Variants in MYOF observed in about 807,000 individuals in gnomAD.
MYOF encodes the protein myoferlin.
In MYOF, 244 loss-of-function variants were observed where a neutral mutation model predicts 284.2. The ratio of observed to expected loss-of-function variants is 0.86; its 90% confidence interval spans 0.77 to 0.95. The LOEUF is 0.95. MYOF is among the 40% of genes least tolerant of loss of function. MYOF has a pLI of 0.00. For missense variants in MYOF, 2,496 were observed against 2,560.6 expected (o/e 0.97, Z 0.54); for synonymous variants, 904 against 919.7 (o/e 0.98, Z 0.31).
Position 93,325,966 on chromosome 10 carries a change from C to T in MYOF, c.5132-1G>A. On this transcript the variant is annotated splice_acceptor_variant, in intron 45 of 53. Coordinates refer to ENST00000359263, the MANE Select transcript of MYOF (RefSeq NM_013451.4). LOFTEE classifies it high-confidence loss of function. ...TGCTGGTGCAGGATTTTGTTGGCTT[C>T]TGCAATGGAAAGCAGCATTGAAGCA... is the stretch of plus-strand genomic sequence containing the variant. 4 of 1,613,996 alleles carry T rather than the reference C, an allele frequency of 2.5e-6. No individual in the cohort carries two copies. Among genetic ancestry groups the T allele is most frequent in the Non-Finnish European group, 3.4e-6 (4 of 1,179,916 alleles).
chr10:93,310,244 C>T, intron 52 of MYOF, 77 bp from the exon 53 acceptor site: 1 of 1,525,474 alleles, frequency 6.6e-7, no homozygotes, highest in Non-Finnish European at 9.0e-7. Context: ...AACACAGTTT[C>T]AGGAATAAAG....
At chr10:93,427,218 A>T (rs201365954) in intron 4 of MYOF, among the ~76,000 whole-genome samples, 2 of 92,550 alleles carry the variant, frequency 2.2e-5, no homozygotes, top group Non-Finnish European at 4.6e-5. Context: ...AAAACAAAAC[A>T]AAAAAAAACA....
chr10:93,393,926 A>C (rs1846825446), intron 16 of MYOF, among the ~76,000 whole-genome samples: 1 of 152,248 alleles, frequency 6.6e-6, no homozygotes, highest in African/African-American at 2.4e-5. Context: ...ACATTCTAGC[A>C]ACCATATAAA....
In MYOF at chr10:93,474,723, G is replaced by T. The variant is rs143818038; in HGVS notation, c.88+7384C>A. Among the ~76,000 whole-genome samples the T allele has an allele frequency of 2.6e-5, 4 of 151,422 alleles. No individual in the cohort carries two copies. The East Asian group carries it at 7.7e-4, about 29-fold the overall frequency. On this transcript the variant is annotated intron_variant, in intron 1 of 53. Coordinates refer to ENST00000359263, the MANE Select transcript of MYOF (RefSeq NM_013451.4). ...CCTCAAACAGCCCTGCAAGGCAGGA[G>T]ATATTATTAAGAACACTGAAGCTGA...
chr10:93,474,874 G>A (rs558366430), intron 1 of MYOF, among the ~76,000 whole-genome samples: 393 of 152,050 alleles, frequency 2.6e-3, no homozygotes, highest in Admixed American at 4.1e-3. Flanking sequence ...AGCCTCCTGA[G>A]TAGCTGGGAC....
intron 24 of MYOF, among the ~76,000 whole-genome samples, chr10:93,372,602 A>G (rs1845643031): frequency 6.6e-6 from 1 of 152,168 alleles, no homozygotes; most frequent in African/African-American, 2.4e-5. Context: ...TCTTTCCCCA[A>G]CATTCACTAG....
Position 93,333,739 on chromosome 10 carries a change from C to T in MYOF, c.4719+19G>A. On this transcript the variant is annotated intron_variant, in intron 42 of 53. Transcript: ENST00000359263. ...TAATTATCTTGCTACAGGAGAAGGC[C>T]CCACACCCAAACTCTTACCAGGCCA... The T allele has an allele frequency of 1.9e-6, 3 of 1,611,858 alleles. No homozygotes were observed. The highest frequency in any genetic ancestry group is 1.7e-6 in the Non-Finnish European group (2 of 1,178,300).
intron 18 of MYOF, among the ~76,000 whole-genome samples, chr10:93,388,194 C>A (rs1246862035): frequency 6.8e-6 from 1 of 147,512 alleles, no homozygotes; most frequent in East Asian, 2.0e-4. Context: ...TGCTCTAGCT[C>A]CAGAAGGAGT....
At chr10:93,332,568 T>G (rs34801701) in intron 43 of MYOF, among the ~76,000 whole-genome samples, 105,522 of 150,458 alleles carry the variant, frequency 0.7, 37,119 homozygotes, top group East Asian at 0.92. Flanking sequence ...AGTCTCAGCC[T>G]GTCGCGGTGG....
intron 22 of MYOF, among the ~76,000 whole-genome samples, chr10:93,376,789 G>A (rs1010828850): frequency 3.3e-5 from 5 of 152,154 alleles, no homozygotes; most frequent in Admixed American, 6.5e-5. Flanking sequence ...TGAAAGGTCC[G>A]CTGGTTCAAG....
chr10:93,442,575 C>T (rs7923523), intron 3 of MYOF, among the ~76,000 whole-genome samples: 4 of 152,022 alleles, frequency 2.6e-5, no homozygotes, highest in South Asian at 2.1e-4. Flanking sequence ...TCCTACAATA[C>T]GGCAAAACAG....
At chr10:93,313,408 C>T (rs920397818) in intron 50 of MYOF, among the ~76,000 whole-genome samples, 198 bp from the exon 51 acceptor site, 2 of 152,148 alleles carry the variant, frequency 1.3e-5, no homozygotes, top group Non-Finnish European at 2.9e-5. Context: ...AATAGCCGTC[C>T]ACTGCACAGC....
intron 38 of MYOF, chr10:93,341,934 C>T (rs1843938597): frequency 7.8e-7 from 1 of 1,289,674 alleles, no homozygotes; most frequent in Non-Finnish European, 1.0e-6. Flanking sequence ...CTGGAGAAGC[C>T]ATTTTGCTGA....
At position 93,401,532 on chromosome 10, in the gene MYOF, C is replaced by T; in HGVS notation, c.1003G>A (p.Asp335Asn). ...ACATCATCACTGTCATTATCACGATCTCGTCTCTCAGGCTATTAGGGGCAC... is the reference window on the plus strand; with the variant it reads ...ACATCATCACTGTCATTATCACGATTTCGTCTCTCAGGCTATTAGGGGCAC... Reference protein sequence around the residue: ...TGDEPPPERRDRDNDSDDVES... With the variant: ...TGDEPPPERRNRDNDSDDVES... Residue 335 changes from aspartate to asparagine, a missense_variant, in exon 12 of 54, where the codon GAT (aspartate) becomes AAT (asparagine). Coordinates refer to ENST00000359263, the MANE Select transcript of MYOF (RefSeq NM_013451.4). 6.2e-7 allele frequency: 1 copy of T among 1,614,050 alleles called. No individual in the cohort carries two copies. The highest frequency in any genetic ancestry group is 8.5e-7 in the Non-Finnish European group (1 of 1,179,976).
chr10:93,386,287 C>T (rs1846361091), intron 19 of MYOF, among the ~76,000 whole-genome samples: 1 of 152,154 alleles, frequency 6.6e-6, no homozygotes, highest in Non-Finnish European at 1.5e-5. Flanking sequence ...CTCCCGCCCT[C>T]TTTTTTCCTT....
At chr10:93,480,387 C>A (rs1273559451) in intron 1 of MYOF, among the ~76,000 whole-genome samples, 1 of 145,890 alleles carries the variant, frequency 6.9e-6, no homozygotes, top group Non-Finnish European at 1.5e-5. Context: ...CAGTCTTATT[C>A]AAAAAAATTT....
chr10:93,318,852 A>G lies in MYOF; in HGVS notation c.5598+1020T>C, dbSNP rs546271282. Among the ~76,000 whole-genome samples the G allele has an allele frequency of 3.3e-5, 5 of 152,328 alleles. No individual in the cohort carries two copies. In the East Asian group the frequency reaches 9.6e-4, roughly 29 times the overall value. ...GCGACACAGGGCTGGTGGCTGGTAC[A>G]TTCTGATCAGGTGTGGGGAGAGGAG... On this transcript the variant is annotated intron_variant, in intron 49 of 53. Transcript: ENST00000359263.
intron 24 of MYOF, among the ~76,000 whole-genome samples, chr10:93,370,890 G>A (rs77982866): frequency 4.6e-5 from 7 of 151,900 alleles, no homozygotes; most frequent in Non-Finnish European, 7.4e-5. Flanking sequence ...CATAAACAAA[G>A]TGAACCTCTC....
At chr10:93,338,885 C>T (rs530035042) in intron 39 of MYOF, among the ~76,000 whole-genome samples, 81 of 151,814 alleles carry the variant, frequency 5.3e-4, no homozygotes, top group Non-Finnish European at 9.3e-4. Flanking sequence ...TATCAGACCC[C>T]CTCTTTGCTT....
Sources: gnomAD v4.1 joint callset for allele counts (sites outside exome capture counted in the v4.1 genomes callset) on GRCh38, gnomAD v4.1.1 for gene constraint, MANE v1.5 for transcripts, NCBI Gene and HGNC (gene_info 2026-07-23, HGNC 2026-07-21) for gene names.